Variants in BORCS8 observed in about 807,000 individuals in gnomAD.
BORCS8 encodes the protein BLOC-1 related complex subunit 8, also known as BLOC-1-related complex subunit 8.
A neutral mutation model predicts 18.7 loss-of-function variants in BORCS8; 13 were observed. The ratio of observed to expected loss-of-function variants is 0.70; its 90% confidence interval spans 0.45 to 1.11. The LOEUF (loss-of-function observed/expected upper bound fraction) is 1.11. Ranked by LOEUF, BORCS8 falls within the 50% of genes least tolerant of loss-of-function variation. The pLI is 0.00. For missense variants in BORCS8, 165 were observed against 165.7 expected (o/e 1.00, Z 0.02); for synonymous variants, 68 against 64.8 (o/e 1.05, Z -0.24).
intron 4 of BORCS8, among the ~76,000 whole-genome samples, chr19:19,181,122 G>C (rs2060344968): frequency 6.6e-6 from 1 of 152,074 alleles, no homozygotes; most frequent in Admixed American, 6.6e-5. Flanking sequence ...TTGGAACCCA[G>C]AGAGGGAGGC....
In BORCS8 at chr19:19,182,019, C is replaced by T; in HGVS notation, c.326+554G>A. ...CCCTGGTCCTGGGCTTAAAGCCTCC[C>T]TTGGCTCTGGGTCCTGGGACAGGGA... On this transcript the variant is annotated intron_variant, in intron 4 of 5. Coordinates refer to ENST00000462790, the MANE Select transcript of BORCS8 (RefSeq NM_001145784.2). This position sits in a 1 kb window ranked among gnomAD's most constrained non-coding sequence, Gnocchi z 4.1. 1.5e-5 allele frequency: 15 copies of T among 985,424 alleles called. No individual in the cohort carries two copies. The highest frequency in any genetic ancestry group is 1.8e-5 in the Non-Finnish European group (15 of 829,952). 61.0% of individuals were successfully genotyped at this position (985,424 alleles called of 1,614,324 possible).
intron 1 of BORCS8, among the ~76,000 whole-genome samples, chr19:19,189,750 T>C (rs2060447820): frequency 6.6e-6 from 1 of 152,042 alleles, no homozygotes; most frequent in African/African-American, 2.4e-5. Flanking sequence ...ACCCCACCTC[T>C]ATAAAAAATT....
In BORCS8 at chr19:19,182,367, C is replaced by T; in HGVS notation, c.326+206G>A. 7 of 1,318,224 alleles carry T rather than the reference C, an allele frequency of 5.3e-6. No individual in the cohort carries two copies. Among genetic ancestry groups the T allele is most frequent in the Non-Finnish European group, 3.9e-6 (4 of 1,014,804 alleles). 81.7% of individuals were successfully genotyped at this position (1,318,224 alleles called of 1,614,324 possible). A position where few individuals can be genotyped will look rare whatever the true frequency, so the allele number is the denominator to read the frequency against. ...ATGTCCCCAGTGCCCAGCCCAGGGCCAGGCACACAGCAGAGCGCAGGACCT... is the reference window on the plus strand; with the variant it reads ...ATGTCCCCAGTGCCCAGCCCAGGGCTAGGCACACAGCAGAGCGCAGGACCT... On this transcript the variant is annotated intron_variant, in intron 4 of 5. Transcript: ENST00000462790. This position sits in a 1 kb window ranked among gnomAD's most constrained non-coding sequence, Gnocchi z 4.1.
chr19:19,185,957 G>T, intron 3 of BORCS8, 77 bp downstream of exon 3: 1 of 1,434,738 alleles, frequency 7.0e-7, no homozygotes, highest in Non-Finnish European at 9.5e-7. Flanking sequence ...CTGGGCAGTT[G>T]GCTGGGATGC....
chr19:19,191,581 GT>G (rs949493011), intron 1 of BORCS8, among the ~76,000 whole-genome samples: 33 of 143,210 alleles, frequency 2.3e-4, no homozygotes, highest in Non-Finnish European at 2.6e-4. Context: ...AGGTTGTTGA[GT>G]TTTTTTTTTT....
intron 3 of BORCS8, among the ~76,000 whole-genome samples, chr19:19,184,544 C>T (rs1285526213): frequency 6.0e-5 from 9 of 151,090 alleles, no homozygotes; most frequent in East Asian, 2.0e-4. Flanking sequence ...GCTCATGATC[C>T]GCCTGCCTTG....
chr19:19,183,426 T>A (rs1164067277), intron 3 of BORCS8, among the ~76,000 whole-genome samples: 17 of 127,024 alleles, frequency 1.3e-4, no homozygotes, highest in South Asian at 5.7e-4. Flanking sequence ...AAAAAAAAAA[T>A]ATACATTTCA....
chr19:19,177,683 AGGAAG>A (rs1408684009), intron 5 of BORCS8: 77 of 76,298 alleles, frequency 1.0e-3, no homozygotes, highest in Non-Finnish European at 1.5e-3. Context: ...GAAGGAAGGA[AGGAAG>A]GAAGGAAGAG....
At chr19:19,181,906 G>A in intron 4 of BORCS8, 5 of 985,382 alleles carry the variant, frequency 5.1e-6, no homozygotes, top group Non-Finnish European at 6.0e-6. Context: ...TATTAACTTA[G>A]AATGCCAACA....
At chr19:19,180,850 C>A in intron 4 of BORCS8, 89 bp from the exon 5 acceptor site, 1 of 1,359,702 alleles carries the variant, frequency 7.4e-7, no homozygotes, top group Non-Finnish European at 9.9e-7. Flanking sequence ...TTGGGTGATA[C>A]TCTGGTCTCA....
rs1015941558 is a variant in BORCS8 at position 19,180,745 on chromosome 19, G to A, written c.343C>T (p.Pro115Ser). 1.3e-6 allele frequency: 2 copies of A among 1,549,914 alleles called. No homozygotes were observed. The highest frequency in any genetic ancestry group is 2.0e-5 in the Admixed American group (1 of 50,664). Reference protein sequence around the residue: ...AQGHSPEEPPPPSSA With the variant: ...AQGHSPEEPPSPSSA Reference sequence around the variant, plus strand: ...TTCCAGGATCAGGCTGAGGAGGGCGGGGGTGGTTCCTCCGGGCTGCAACAA... The same window carrying A: ...TTCCAGGATCAGGCTGAGGAGGGCGAGGGTGGTTCCTCCGGGCTGCAACAA... Residue 115 changes from proline (P) to serine (S), a missense_variant, in exon 5 of 6, where the codon CCG becomes TCG. By Grantham distance (74) the Pro-to-Ser change is moderately conservative (BLOSUM62 -1). Coordinates refer to ENST00000462790, the MANE Select transcript of BORCS8 (RefSeq NM_001145784.2).
rs897542083 is a variant in BORCS8 at position 19,182,645 on chromosome 19, C to T, written c.254G>A (p.Arg85His). Reference sequence around the variant, plus strand: ...CTGTTTGAGCAGACCCTCCACGCTGCGGAAGTAGACGCTGCTGTCCACCAG... The same window carrying T: ...CTGTTTGAGCAGACCCTCCACGCTGTGGAAGTAGACGCTGCTGTCCACCAG... ...KNLVDSSVYF[R>H]SVEGLLKQAI... The change falls in exon 4 of 6, where the codon CGC becomes CAC. Residue 85 changes from arginine (R) to histidine (H), a missense_variant. Arg to His is a conservative substitution (Grantham distance 29). Coordinates refer to ENST00000462790, the MANE Select transcript of BORCS8 (RefSeq NM_001145784.2). The surrounding 1 kb of genome is among the most constrained non-coding windows in gnomAD (Gnocchi z 4.1). The T allele has an allele frequency of 1.5e-5, 23 of 1,551,026 alleles. No homozygotes were observed. In the Admixed American group the frequency reaches 2.4e-4, roughly 16 times the overall value.
At chr19:19,183,424 A>AT (rs202116068) in intron 3 of BORCS8, among the ~76,000 whole-genome samples, 4,208 of 151,308 alleles carry the variant, frequency 0.028, 101 homozygotes, top group African/African-American at 0.058. Flanking sequence ...AAAAAAAAAA[A>AT]ATATACATTT....
chr19:19,180,804 G>C, intron 4 of BORCS8, 43 bp from the exon 5 acceptor site: 3 of 1,517,698 alleles, frequency 2.0e-6, no homozygotes, highest in Non-Finnish European at 2.7e-6. Flanking sequence ...CAAGGTCAGA[G>C]GCCACAAGGC....
intron 1 of BORCS8, 103 bp from the exon 2 acceptor site, chr19:19,187,108 G>C: frequency 1.2e-6 from 1 of 816,646 alleles, no homozygotes; most frequent in Non-Finnish European, 2.0e-6. Flanking sequence ...GGCATCTGGC[G>C]TGTCCCTCCG....
Position 19,182,998 on chromosome 19 carries a change from G to A in BORCS8, c.216-315C>T, listed in dbSNP as rs2060364577. On this transcript the variant is annotated intron_variant, in intron 3 of 5. Coordinates refer to ENST00000462790, the MANE Select transcript of BORCS8 (RefSeq NM_001145784.2). The surrounding 1 kb of genome is among the most constrained non-coding windows in gnomAD (Gnocchi z 4.1). Reference sequence around the variant, plus strand: ...AAAAAATAGGAAAGAAAAAACACCTGGGCACTGTGGTTCACACCTATAATC... The same window carrying A: ...AAAAAATAGGAAAGAAAAAACACCTAGGCACTGTGGTTCACACCTATAATC... Among the ~76,000 whole-genome samples the A allele has an allele frequency of 2.0e-5, 3 of 152,284 alleles. No homozygotes were observed. The South Asian group carries it at 6.2e-4, about 32-fold the overall frequency.
chr19:19,178,840 G>T (rs2060324522), intron 5 of BORCS8: 1 of 152,044 alleles, frequency 6.6e-6, no homozygotes, highest in Non-Finnish European at 1.5e-5. Flanking sequence ...GGCACCTGTA[G>T]TCCCACCTAC....
In BORCS8 at chr19:19,182,175, A is replaced by G. The variant is rs1029872737; in HGVS notation, c.326+398T>C. The G allele has an allele frequency of 1.7e-5, 8 of 475,840 alleles. No homozygotes were observed. The highest frequency in any genetic ancestry group is 2.2e-5 in the Non-Finnish European group (8 of 360,806). 29.5% of individuals were successfully genotyped at this position (475,840 alleles called of 1,614,324 possible). On this transcript the variant is annotated intron_variant, in intron 4 of 5. Coordinates refer to ENST00000462790, the MANE Select transcript of BORCS8 (RefSeq NM_001145784.2). The surrounding 1 kb of genome is among the most constrained non-coding windows in gnomAD (Gnocchi z 4.1). ...GCGTCTGCCCTCACCACTGCCCCAC[A>G]TGGAACTCCGTCTGCCCCCGGATCG...
rs749576529 is a variant in BORCS8, at chr19:19,180,710, C to A, written c.*18G>T. 1 of 1,549,990 alleles carries A rather than the reference C, an allele frequency of 6.5e-7. No homozygotes were observed. Among genetic ancestry groups the A allele is most frequent in the African/African-American group, 1.4e-5 (1 of 73,116 alleles). ...CCTGGGTTGGCGGAGGCTGGGGGGC[C>A]CCGAGTCTCTTCCAGGATCAGGCTG... On this transcript the variant is annotated 3_prime_UTR_variant, in exon 5 of 6. Transcript: ENST00000462790.
Sources: allele counts gnomAD v4.1 joint callset (sites outside exome capture counted in the v4.1 genomes callset), GRCh38; gene constraint gnomAD v4.1.1; non-coding constraint Gnocchi (gnomAD v3.1); transcripts MANE v1.5; gene names NCBI Gene and HGNC (gene_info 2026-07-23, HGNC 2026-07-21).